The following MACF1 variants were observed in gnomAD, a reference collection of about 807,000 sequenced individuals.
The protein encoded by MACF1 is microtubule actin crosslinking factor 1.
In MACF1, 193 loss-of-function variants were observed where a neutral mutation model predicts 854.8. That is an observed-to-expected ratio of 0.23 (90% CI 0.20 to 0.25). The LOEUF is 0.25. Among genes scored for constraint, MACF1 ranks in the 10% least tolerant of loss-of-function variants. MACF1 has a pLI of 1.00. For missense variants in MACF1, 7,722 were observed against 8,929.1 expected, an observed-to-expected ratio of 0.86 and a Z score of 5.45; for synonymous variants, 3,185 against 3,226.7, an observed-to-expected ratio of 0.99 and a Z score of 0.44.
chr1:39,285,611 C>G lies in MACF1; in HGVS notation c.1361C>G (p.Ala454Gly). Residue 454 changes from alanine (A) to glycine (G), a missense_variant, in exon 14 of 101, where the codon GCT (alanine) becomes GGT (glycine). Coordinates refer to ENST00000564288, the MANE Select transcript of MACF1 (RefSeq NM_001394062.1). ...LAKNTLQADA[A>G]HLESGQPVQC... ...TCTCTCTTCCTGTCTCAGGATGCTG[C>G]TCACCTGGAATCAGGACAACCGGTA... 1 of 1,613,158 alleles carries G rather than the reference C, an allele frequency of 6.2e-7. No individual in the cohort carries two copies. Among genetic ancestry groups the G allele is most frequent in the Non-Finnish European group, 8.5e-7 (1 of 1,179,506 alleles).
intron 87 of MACF1, 69 bp from the exon 88 acceptor site, chr1:39,453,638 T>G: frequency 1.5e-6 from 2 of 1,347,502 alleles, no homozygotes; most frequent in Admixed American, 1.7e-5. Context: ...TTATCCCCCC[T>G]CAGTGTAAAC....
In MACF1 at chr1:39,434,492, G is replaced by T. The variant is rs1272176690; in HGVS notation, c.17644G>T (p.Ala5882Ser). Residue 5882 changes from alanine (A) to serine (S), a missense_variant, in exon 69 of 101, where the codon GCC becomes TCC. Coordinates refer to ENST00000564288, the MANE Select transcript of MACF1 (RefSeq NM_001394062.1). ...AGAGCGTTATGCCCGCCTAGAGCGGGCCCAGGTCTTAGTAAACCAGTTTTG... is the reference window on the plus strand; with the variant it reads ...AGAGCGTTATGCCCGCCTAGAGCGGTCCCAGGTCTTAGTAAACCAGTTTTG... ...NSERYARLER[A>S]QVLVNQFWET... 1.2e-6 allele frequency: 2 copies of T among 1,613,808 alleles called. No homozygotes were observed. The highest frequency in any genetic ancestry group is 1.3e-5 in the African/African-American group (1 of 74,900).
chr1:39,446,778 G>A (rs940481437), intron 80 of MACF1, among the ~76,000 whole-genome samples: 3 of 152,112 alleles, frequency 2.0e-5, no homozygotes, highest in Non-Finnish European at 2.9e-5. Context: ...GTACTTGTGA[G>A]GAGTAGCCTT....
At chr1:39,254,184 T>C in intron 4 of MACF1, 114 bp from the exon 5 acceptor site, 1 of 864,056 alleles carries the variant, frequency 1.2e-6, no homozygotes, top group Non-Finnish European at 1.8e-6. Flanking sequence ...CAGGCCTGGC[T>C]TCTACTGTAA....
chr1:39,189,705 C>G (rs1204216213), intron 2 of MACF1, among the ~76,000 whole-genome samples: 1 of 152,062 alleles, frequency 6.6e-6, no homozygotes, highest in Non-Finnish European at 1.5e-5. Flanking sequence ...TTTGACTTCC[C>G]CAACAGGAAA....
intron 95 of MACF1, among the ~76,000 whole-genome samples, chr1:39,466,069 G>C (rs1165960752): frequency 1.3e-5 from 2 of 152,178 alleles, no homozygotes; most frequent in African/African-American, 4.8e-5. Context: ...CTAATGTTGA[G>C]AACGGAATTA....
intron 2 of MACF1, among the ~76,000 whole-genome samples, chr1:39,088,733 G>A (rs1641735362): frequency 1.3e-5 from 2 of 152,172 alleles, no homozygotes; most frequent in Admixed American, 1.3e-4. Flanking sequence ...GTATCCCTTG[G>A]GACCTGTGGG....
At chr1:39,233,775 CTTTTTTTTT>C (rs11286953) in intron 2 of MACF1, among the ~76,000 whole-genome samples, 4 of 36,516 alleles carry the variant, frequency 1.1e-4, no homozygotes, top group Non-Finnish European at 1.9e-4. Flanking sequence ...CTAGCCATAG[CTTTTTTTTT>C]TTTTTTTTTT....
At chr1:39,263,265 A>G (rs528781542) in intron 6 of MACF1, among the ~76,000 whole-genome samples, 1 of 152,254 alleles carries the variant, frequency 6.6e-6, no homozygotes, top group East Asian at 1.9e-4. Flanking sequence ...GTTGAAGGAG[A>G]AGGGAGAGGC....
chr1:39,461,318 G>C (rs1570164039), intron 92 of MACF1, among the ~76,000 whole-genome samples: 1 of 152,114 alleles, frequency 6.6e-6, no homozygotes, highest in Non-Finnish European at 1.5e-5. Context: ...GAGTGGATGA[G>C]TATATTCTTG....
chr1:39,298,237 A>G (rs773926700), intron 21 of MACF1, among the ~76,000 whole-genome samples: 9 of 152,162 alleles, frequency 5.9e-5, no homozygotes, highest in Non-Finnish European at 1.2e-4. Flanking sequence ...TTTAATTCAA[A>G]GAAACATTAA....
chr1:39,379,811 T>G (rs1253165954), intron 54 of MACF1, among the ~76,000 whole-genome samples: 1 of 152,112 alleles, frequency 6.6e-6, no homozygotes, highest in Non-Finnish European at 1.5e-5. Flanking sequence ...TAAATAACAG[T>G]GATTACAGTT....
chr1:39,130,845 C>CT (rs994652573), intron 2 of MACF1, among the ~76,000 whole-genome samples: 641 of 145,158 alleles, frequency 4.4e-3, no homozygotes, highest in Middle Eastern at 0.014. Flanking sequence ...CTTTTCTTTA[C>CT]TTTTTTTTTT....
chr1:39,163,974 C>G (rs181284107), intron 2 of MACF1, among the ~76,000 whole-genome samples: 90 of 152,286 alleles, frequency 5.9e-4, no homozygotes, highest in Non-Finnish European at 1.0e-3. Context: ...CATCTTTTCT[C>G]TATCCATGTG....
intron 26 of MACF1, 149 bp downstream of exon 26, chr1:39,311,149 T>C: frequency 2.4e-6 from 2 of 821,934 alleles, no homozygotes; most frequent in South Asian, 2.1e-5. Context: ...AAATGTCTTT[T>C]ACCCGTGGAG....
Position 39,291,987 on chromosome 1 carries a change from T to C in MACF1, c.1863T>C (p.His621=). ...AGCTAGAAACACAGCAGCACATCCA[T>C]ACGAGTGTAGAAGAGCTGGGCTCAA... ...ELQLETQQHI[H]TSVEELGSSV... The change falls in exon 16 of 101, where the codon CAT becomes CAC. Residue 621 remains histidine, a synonymous_variant. Coordinates refer to ENST00000564288, the MANE Select transcript of MACF1 (RefSeq NM_001394062.1). The C allele has an allele frequency of 2.5e-6, 4 of 1,614,098 alleles. No homozygotes were observed. The highest frequency in any genetic ancestry group is 3.4e-6 in the Non-Finnish European group (4 of 1,179,998).
chr1:39,378,340 T>G (rs1649891745), intron 52 of MACF1, 121 bp from the exon 53 acceptor site: 1 of 658,746 alleles, frequency 1.5e-6, no homozygotes, highest in East Asian at 2.6e-5. Flanking sequence ...TATGTTGTCT[T>G]GTGCTGTGTT....
chr1:39,359,253 A>C lies in MACF1; in HGVS notation c.12233A>C (p.Gln4078Pro), dbSNP rs1647853333. 1 of 1,614,054 alleles carries C rather than the reference A, an allele frequency of 6.2e-7. No homozygotes were observed. ...CCAGCCCCAGACCACAGGCATGTTC[A>C]AGAAACTACAGGTATAAAGCAGCAA... is the stretch of plus-strand genomic sequence containing the variant. The part of the protein sequence containing the change: ...GEPAPDHRHV[Q>P]ETTDSILSHF... The change falls in exon 47 of 101, where the codon CAA becomes CCA. Residue 4078 changes from glutamine (Q) to proline (P), a missense_variant. Transcript: ENST00000564288.
At position 39,173,272 on chromosome 1, in the gene MACF1, G is replaced by A. The variant is rs543532558; in HGVS notation, c.221-57910G>A. ...GGGGAATCACTTGAACCTGGGAGGC[G>A]GAGGTTGCGGTGACCAGAGATTGCA... On this transcript the variant is annotated intron_variant, in intron 2 of 93. Coordinates refer to the MACF1 transcript ENST00000361689. Among the ~76,000 whole-genome samples, 16 of 150,712 alleles carry A rather than the reference G, an allele frequency of 1.1e-4. No individual in the cohort carries two copies. The East Asian group carries it at 2.1e-3, about 20-fold the overall frequency.
Sources: allele counts gnomAD v4.1 joint callset (sites outside exome capture counted in the v4.1 genomes callset), GRCh38; gene constraint gnomAD v4.1.1; transcripts MANE v1.5; gene names NCBI Gene and HGNC (gene_info 2026-07-23, HGNC 2026-07-21).